Variants in TNRC6A observed in about 807,000 individuals in gnomAD.
The protein encoded by TNRC6A is trinucleotide repeat-containing gene 6A protein.
In TNRC6A, 44 loss-of-function variants were observed where a neutral mutation model predicts 221.2. The ratio of observed to expected loss-of-function variants is 0.20; its 90% CI spans 0.16 to 0.26. The LOEUF (loss-of-function observed/expected upper bound fraction) is 0.26, where lower values mean the gene tolerates loss of function less well. Ranked by LOEUF, TNRC6A falls within the 10% of genes least tolerant of loss-of-function variation. The pLI is 1.00. For synonymous variants in TNRC6A, 847 were observed against 838.5 expected (o/e 1.01, Z -0.18); for missense variants, 2,199 against 2,404.4 (o/e 0.91, Z 1.79).
intron 4 of TNRC6A, among the ~76,000 whole-genome samples, chr16:24,773,251 T>C (rs1009175996): frequency 6.6e-6 from 1 of 152,222 alleles, no homozygotes; most frequent in African/African-American, 2.4e-5. Flanking sequence ...GATCTTAAAA[T>C]GTATTGTATG....
intron 20 of TNRC6A, 102 bp from the exon 21 acceptor site, chr16:24,818,491 C>T: frequency 2.3e-6 from 2 of 869,100 alleles, no homozygotes; most frequent in East Asian, 5.3e-5. Context: ...TGTTTCCTTT[C>T]TTGTGGCATA....
chr16:24,819,039 T>C (rs993909149), intron 21 of TNRC6A, among the ~76,000 whole-genome samples: 2 of 152,210 alleles, frequency 1.3e-5, no homozygotes, highest in African/African-American at 4.8e-5. Context: ...ACTGATACTT[T>C]TGTAAAATAC....
chr16:24,723,705 T>C (rs1265825259), intron 2 of TNRC6A, among the ~76,000 whole-genome samples: 2 of 152,186 alleles, frequency 1.3e-5, no homozygotes, highest in Non-Finnish European at 2.9e-5. Flanking sequence ...GGGATGTTTA[T>C]AATTATCTGA....
intron 2 of TNRC6A, among the ~76,000 whole-genome samples, chr16:24,694,647 CTG>C (rs1259587424): frequency 3.2e-5 from 3 of 93,214 alleles, no homozygotes; most frequent in African/African-American, 1.4e-4. Context: ...GAGCAAGACT[CTG>C]TCTCAAAAAA....
In TNRC6A at chr16:24,790,060, A is replaced by G. The variant is rs2058064345; in HGVS notation, c.1418A>G (p.Asn473Ser). The change falls in exon 6 of 25, where the codon AAT becomes AGT. Residue 473 changes from asparagine (N) to serine (S), a missense_variant. This residue lies in a region of TNRC6A where 1,405 missense variants were observed against 1,400.2 expected (regional missense o/e 1.00). Transcript: ENST00000395799. ...CCAAACTCCGGTTCAGTGCAGAATA[A>G]TGAGCTGCCTAGTAGTAACACAGGG... ...SLPNSGSVQN[N>S]ELPSSNTGAW... 3.1e-6 allele frequency: 5 copies of G among 1,614,144 alleles called. No homozygotes were observed. The highest frequency in any genetic ancestry group is 4.2e-6 in the Non-Finnish European group (5 of 1,180,050).
chr16:24,743,536 G>C (rs2056937984), intron 2 of TNRC6A, among the ~76,000 whole-genome samples: 1 of 143,014 alleles, frequency 7.0e-6, no homozygotes, highest in African/African-American at 2.6e-5. Flanking sequence ...TGTTGCCCAG[G>C]CTGGTCTCGA....
chr16:24,686,194 G>A (rs1309055330), intron 2 of TNRC6A, among the ~76,000 whole-genome samples: 2 of 152,170 alleles, frequency 1.3e-5, no homozygotes, highest in Non-Finnish European at 2.9e-5. Context: ...TCTCTTGGAT[G>A]AGATACCTGC....
chr16:24,758,494 A>G (rs915388424), intron 4 of TNRC6A, 134 bp downstream of exon 4: 15 of 893,792 alleles, frequency 1.7e-5, no homozygotes, highest in Admixed American at 2.5e-5. Context: ...CTTCAGTAAC[A>G]TACCCTGGGG....
intron 2 of TNRC6A, among the ~76,000 whole-genome samples, chr16:24,659,726 A>C (rs1333870530): frequency 6.6e-6 from 1 of 152,204 alleles, no homozygotes; most frequent in Non-Finnish European, 1.5e-5. Context: ...TACAGGCATG[A>C]GCTATCACAC....
intron 2 of TNRC6A, among the ~76,000 whole-genome samples, chr16:24,738,949 G>C (rs1010740866): frequency 2.0e-5 from 3 of 152,156 alleles, no homozygotes; most frequent in Admixed American, 1.3e-4. Flanking sequence ...CCACCTTCCA[G>C]GCTCAAGCCA....
At chr16:24,645,446 C>T (rs556996100) in intron 2 of TNRC6A, among the ~76,000 whole-genome samples, 8 of 150,870 alleles carry the variant, frequency 5.3e-5, no homozygotes, top group African/African-American at 1.5e-4. Flanking sequence ...GCCAAGATCA[C>T]GCCACTGCAC....
intron 18 of TNRC6A, among the ~76,000 whole-genome samples, chr16:24,810,614 G>A (rs1316167062): frequency 1.3e-5 from 2 of 152,174 alleles, no homozygotes; most frequent in Non-Finnish European, 2.9e-5. Flanking sequence ...AACCAAGAAA[G>A]AATAGTGCAT....
intron 2 of TNRC6A, among the ~76,000 whole-genome samples, chr16:24,707,286 G>A (rs1172011576): frequency 6.6e-6 from 1 of 151,730 alleles, no homozygotes; most frequent in South Asian, 2.1e-4. Context: ...ATGTGCCACC[G>A]CATCCAGCCA....
chr16:24,683,651 C>T (rs1427428356), intron 2 of TNRC6A, among the ~76,000 whole-genome samples: 1 of 152,172 alleles, frequency 6.6e-6, no homozygotes, highest in African/African-American at 2.4e-5. Flanking sequence ...AGGTAAACTG[C>T]CCGAGTTCAA....
intron 5 of TNRC6A, among the ~76,000 whole-genome samples, chr16:24,781,003 C>T (rs1392910216): frequency 7.3e-6 from 1 of 136,706 alleles, no homozygotes; most frequent in African/African-American, 2.8e-5. Flanking sequence ...AAACTCAGAT[C>T]TTCTCTATCC....
intron 2 of TNRC6A, among the ~76,000 whole-genome samples, chr16:24,648,274 CTT>C (rs71156430): frequency 6.1e-5 from 6 of 97,834 alleles, no homozygotes; most frequent in Admixed American, 1.2e-4. Context: ...TCCACAGCAA[CTT>C]TTTTTTTTTT....
At chr16:24,821,971 G>A (rs928480537) in intron 22 of TNRC6A, 106 bp from the exon 23 acceptor site, 5 of 1,062,364 alleles carry the variant, frequency 4.7e-6, no homozygotes, top group African/African-American at 3.1e-5. Flanking sequence ...CCATGTAGAA[G>A]TGCAAGGAAG....
At chr16:24,645,806 T>G (rs1399916880) in intron 2 of TNRC6A, among the ~76,000 whole-genome samples, 1 of 103,500 alleles carries the variant, frequency 9.7e-6, no homozygotes, top group East Asian at 2.8e-4. Context: ...GAGACCAACC[T>G]GGGAAACATG....
At chr16:24,762,385 G>A (rs978943491) in intron 4 of TNRC6A, among the ~76,000 whole-genome samples, 3 of 152,182 alleles carry the variant, frequency 2.0e-5, no homozygotes, top group Non-Finnish European at 4.4e-5. Context: ...CTGACTTAGA[G>A]CACCTTCTAT....
Sources: gnomAD v4.1 joint callset for allele counts (sites outside exome capture counted in the v4.1 genomes callset) on GRCh38, gnomAD v4.1.1 for gene constraint, gnomAD v4.1.1 regional missense constraint, MANE v1.5 for transcripts, NCBI Gene and HGNC (gene_info 2026-07-23, HGNC 2026-07-21) for gene names.